Variants in HS2ST1 observed in about 807,000 individuals in gnomAD.
The protein encoded by HS2ST1 is 2-O-sulfotransferase.
In HS2ST1, 18 loss-of-function variants were observed where a neutral mutation model predicts 42.9. The ratio of observed to expected loss-of-function variants is 0.42; its 90% CI spans 0.29 to 0.62. The LOEUF (loss-of-function observed/expected upper bound fraction) is 0.62, where lower values mean the gene tolerates loss of function less well. Ranked by LOEUF, HS2ST1 falls within the 20% of genes least tolerant of loss-of-function variation. HS2ST1 has a pLI of 0.21. For missense variants in HS2ST1, 334 were observed against 433.8 expected (o/e 0.77, Z 2.04); for synonymous variants, 146 against 152.9 (o/e 0.95, Z 0.33).
At position 87,069,903 on chromosome 1, in the gene HS2ST1, G is replaced by A. The variant is rs192469404; in HGVS notation, c.125-3031G>A. ...GCCCTGCCGGAGGTGTAGCAAAGTT[G>A]ATGAGGTAATTTTAAAACAATTTTG... On this transcript the variant is annotated intron_variant, in intron 1 of 6. Coordinates refer to ENST00000370550, the MANE Select transcript of HS2ST1 (RefSeq NM_012262.4). Among the ~76,000 whole-genome samples, 655 of 152,286 alleles carry A rather than the reference G, an allele frequency of 4.3e-3. 5 individuals are homozygous for A. The highest frequency in any genetic ancestry group is 8.3e-3 in the Non-Finnish European group (567 of 68,018).
chr1:86,992,502 G>A (rs2100561611), intron 1 of HS2ST1, among the ~76,000 whole-genome samples: 2 of 152,162 alleles, frequency 1.3e-5, no homozygotes, highest in African/African-American at 4.8e-5. Flanking sequence ...GAGTAGCTGG[G>A]ATTACAGGCA....
intron 1 of HS2ST1, among the ~76,000 whole-genome samples, chr1:86,960,722 G>A (rs1176102288): frequency 5.9e-5 from 9 of 152,172 alleles, no homozygotes; most frequent in African/African-American, 2.2e-4. Flanking sequence ...ACCACAGTGA[G>A]ATACTATACA....
chr1:86,935,976 A>T (rs1660644261), intron 1 of HS2ST1, among the ~76,000 whole-genome samples: 1 of 152,166 alleles, frequency 6.6e-6, no homozygotes, highest in Admixed American at 6.5e-5. Context: ...TGGTGGTATG[A>T]TACTATTAAT....
At chr1:87,083,572 AT>A (rs1318348764) in intron 2 of HS2ST1, among the ~76,000 whole-genome samples, 1 of 151,992 alleles carries the variant, frequency 6.6e-6, no homozygotes, top group Non-Finnish European at 1.5e-5. Context: ...TTTCATATTA[AT>A]TTTTGTGTAC....
chr1:87,039,444 G>T (rs1361238350), intron 1 of HS2ST1, among the ~76,000 whole-genome samples: 1 of 152,148 alleles, frequency 6.6e-6, no homozygotes, highest in South Asian at 2.1e-4. Context: ...CAGCTATTGA[G>T]TTCTGTCCTG....
intron 1 of HS2ST1, among the ~76,000 whole-genome samples, chr1:86,952,521 A>G (rs1315575562): frequency 1.3e-5 from 2 of 152,240 alleles, no homozygotes; most frequent in East Asian, 3.8e-4. Flanking sequence ...AACAGGCATG[A>G]GCCAGCATGC....
chr1:86,924,693 C>T (rs1169721233), intron 1 of HS2ST1, among the ~76,000 whole-genome samples: 2 of 152,182 alleles, frequency 1.3e-5, no homozygotes, highest in Non-Finnish European at 2.9e-5. Context: ...TCAGCCATGG[C>T]AGGAGGTCTG....
chr1:87,044,642 A>G (rs1204225982), intron 1 of HS2ST1, among the ~76,000 whole-genome samples: 1 of 152,210 alleles, frequency 6.6e-6, no homozygotes, highest in Non-Finnish European at 1.5e-5. Flanking sequence ...AATGATACCT[A>G]AGGGTATTTA....
At chr1:87,064,577 A>G (rs1391781621) in intron 1 of HS2ST1, 1 of 514,328 alleles carries the variant, frequency 1.9e-6, no homozygotes, top group East Asian at 5.5e-5. Context: ...AGCATTTGTC[A>G]GTGTTCAGAA....
intron 1 of HS2ST1, among the ~76,000 whole-genome samples, chr1:86,920,919 A>G (rs1387982209): frequency 6.6e-6 from 1 of 152,164 alleles, no homozygotes; most frequent in African/African-American, 2.4e-5. Flanking sequence ...GTCACAATGT[A>G]TTCTTGAAAA....
chr1:87,025,616 GT>G (rs1400603891), intron 1 of HS2ST1, among the ~76,000 whole-genome samples: 1 of 152,100 alleles, frequency 6.6e-6, no homozygotes, highest in African/African-American at 2.4e-5. Context: ...ATTTTAAAAT[GT>G]TTTTGTCTAG....
At chr1:86,926,356 GC>G (rs1371151529) in intron 1 of HS2ST1, among the ~76,000 whole-genome samples, 1 of 152,150 alleles carries the variant, frequency 6.6e-6, no homozygotes, top group African/African-American at 2.4e-5. Context: ...GCAAACTTCA[GC>G]CGCCTTGTCT....
intron 1 of HS2ST1, chr1:87,046,080 C>A (rs1650653059): frequency 1.5e-6 from 1 of 665,358 alleles, no homozygotes; most frequent in Non-Finnish European, 2.9e-6. Flanking sequence ...CATCATGAAC[C>A]CTGACTATAA....
chr1:86,964,958 T>C (rs1279867938), intron 1 of HS2ST1, among the ~76,000 whole-genome samples: 1 of 152,212 alleles, frequency 6.6e-6, no homozygotes, highest in Non-Finnish European at 1.5e-5. Flanking sequence ...TTTGCACTAG[T>C]TTACTCATTC....
chr1:86,988,264 C>T lies in HS2ST1; in HGVS notation c.124+73104C>T, dbSNP rs1163641970. Among the ~76,000 whole-genome samples the T allele has an allele frequency of 3.9e-5, 6 of 152,218 alleles. 1 individual carries two copies. In the East Asian group the frequency reaches 1.2e-3, roughly 29 times the overall value. On this transcript the variant is annotated intron_variant, in intron 1 of 6. Coordinates refer to ENST00000370550, the MANE Select transcript of HS2ST1 (RefSeq NM_012262.4). The stretch of plus-strand genomic sequence containing the variant: ...ACCACTGAGCCCAGAACACCCAGAA[C>T]TTTGGAAATTGGCTATTGCCATGTC...
chr1:87,090,978 A>T (rs997888786), intron 3 of HS2ST1, among the ~76,000 whole-genome samples: 1 of 151,974 alleles, frequency 6.6e-6, no homozygotes, highest in Admixed American at 6.6e-5. Flanking sequence ...TTTGAATTGT[A>T]TTCTCCCTCA....
rs1305987398 is a variant in HS2ST1, at chr1:87,104,897, T to C, written c.*201T>C. The C allele has an allele frequency of 2.0e-6, 1 of 507,570 alleles. No individual in the cohort carries two copies. The highest frequency in any genetic ancestry group is 3.5e-6 in the Non-Finnish European group (1 of 287,870). The allele number at this position is 507,570 out of a possible 1,614,324, so 31.4% of individuals were successfully genotyped here. A position where few individuals can be genotyped will look rare whatever the true frequency, so the allele number is the denominator to read the frequency against. On this transcript the variant is annotated 3_prime_UTR_variant, in exon 7 of 7. Coordinates refer to ENST00000370550, the MANE Select transcript of HS2ST1 (RefSeq NM_012262.4). ...TCTAAGTTTCAGGCATTTTTATTTT[T>C]CCTGGCTAAACGTTGGTGAAAGTTA...
intron 1 of HS2ST1, 138 bp downstream of exon 1, chr1:86,915,298 G>C: frequency 1.0e-6 from 1 of 967,428 alleles, no homozygotes; most frequent in Non-Finnish European, 1.5e-6. Context: ...CGGGAACAAG[G>C]GGCAGCGAGA....
At chr1:87,069,706 T>C (rs1450091891) in intron 1 of HS2ST1, among the ~76,000 whole-genome samples, 3 of 152,154 alleles carry the variant, frequency 2.0e-5, no homozygotes, top group Non-Finnish European at 4.4e-5. Context: ...ACTTGAAAAA[T>C]AGAAAATGCA....
Sources: gnomAD v4.1 joint callset for allele counts (sites outside exome capture counted in the v4.1 genomes callset) on GRCh38, gnomAD v4.1.1 for gene constraint, MANE v1.5 for transcripts, NCBI Gene and HGNC (gene_info 2026-07-23, HGNC 2026-07-21) for gene names.